ASPRV1: variants seen among roughly 807,000 people sequenced by gnomAD.
The protein encoded by ASPRV1 is retroviral-like aspartic protease 1.
Under a neutral mutation model 11.0 loss-of-function variants are expected in ASPRV1, and 7 were observed. The ratio of observed to expected loss-of-function variants is 0.64; its 90% CI spans 0.36 to 1.20. The LOEUF is 1.20. ASPRV1 is among the 50% of genes most tolerant of loss of function. The pLI, the probability that ASPRV1 is intolerant of heterozygous loss-of-function variation, is 0.02. For synonymous variants in ASPRV1, 136 were observed against 138.4 expected (o/e 0.98, Z 0.12); for missense variants, 299 against 320.0 (o/e 0.93, Z 0.50).
the ASPRV1 span, among the ~76,000 whole-genome samples, chr2:69,948,407 A>G: frequency 6.6e-6 from 1 of 152,254 alleles, no homozygotes; most frequent in Non-Finnish European, 1.5e-5. Context: ...ACGTCAATAC[A>G]TCCATTTGCA....
the ASPRV1 span, among the ~76,000 whole-genome samples, chr2:70,066,240 A>G: frequency 2.6e-5 from 4 of 151,694 alleles, no homozygotes; most frequent in Admixed American, 2.6e-4. Flanking sequence ...CATCACTAAC[A>G]TCATTTTTTT....
the ASPRV1 span, chr2:69,943,091 G>C: frequency 2.1e-4 from 32 of 152,168 alleles, no homozygotes; most frequent in African/African-American, 7.5e-4. Context: ...CTGTGATGAG[G>C]ATTGAGATTG....
the ASPRV1 span, among the ~76,000 whole-genome samples, chr2:70,067,214 T>G: frequency 6.6e-6 from 1 of 152,304 alleles, no homozygotes; most frequent in East Asian, 1.9e-4. Context: ...AGTGACTGGT[T>G]GTCAGACGTG....
chr2:70,037,107 T>C, the ASPRV1 span, among the ~76,000 whole-genome samples: 1 of 152,188 alleles, frequency 6.6e-6, no homozygotes, highest in Admixed American at 6.5e-5. Context: ...CTATGGAACA[T>C]TTCCTCTTGG....
At chr2:69,947,144 T>C in the ASPRV1 span, among the ~76,000 whole-genome samples, 4 of 152,222 alleles carry the variant, frequency 2.6e-5, no homozygotes, top group Admixed American at 1.3e-4. Context: ...GTGATGATTC[T>C]TGGCTACTTT....
chr2:70,029,770 AG>A, the ASPRV1 span, among the ~76,000 whole-genome samples: 2 of 152,250 alleles, frequency 1.3e-5, no homozygotes, highest in South Asian at 2.1e-4. Flanking sequence ...AATATCCACA[AG>A]GGGTCTTGTG....
the ASPRV1 span, among the ~76,000 whole-genome samples, chr2:69,943,494 C>A: frequency 2.6e-5 from 4 of 152,086 alleles, no homozygotes; most frequent in African/African-American, 7.2e-5. Flanking sequence ...AGGCAGAGTC[C>A]AGCTTCGTGG....
At chr2:70,042,076 A>G in the ASPRV1 span, among the ~76,000 whole-genome samples, 2 of 150,174 alleles carry the variant, frequency 1.3e-5, no homozygotes, top group Non-Finnish European at 2.9e-5. Context: ...ATTCTGTAAG[A>G]TTTTAATAAA....
At chr2:69,953,511 T>C in the ASPRV1 span, among the ~76,000 whole-genome samples, 4 of 152,188 alleles carry the variant, frequency 2.6e-5, no homozygotes, top group Admixed American at 1.3e-4. Flanking sequence ...GGCATTTCCA[T>C]GGACACAGTG....
chr2:70,002,548 A>G, the ASPRV1 span, among the ~76,000 whole-genome samples: 17 of 152,320 alleles, frequency 1.1e-4, no homozygotes, highest in African/African-American at 3.6e-4. Flanking sequence ...ATCTAGTTCT[A>G]TGAAGATGCC....
the ASPRV1 span, among the ~76,000 whole-genome samples, chr2:70,043,015 G>C: frequency 6.6e-6 from 1 of 152,186 alleles, no homozygotes; most frequent in South Asian, 2.1e-4. Flanking sequence ...ACTGAGATTT[G>C]AGTTGCCTCT....
At chr2:69,972,629 A>G in the ASPRV1 span, among the ~76,000 whole-genome samples, 1 of 152,044 alleles carries the variant, frequency 6.6e-6, no homozygotes, top group African/African-American at 2.4e-5. Flanking sequence ...AAGTGCTGGG[A>G]TTACAGGCGT....
the ASPRV1 span, chr2:70,064,135 G>T: frequency 6.6e-6 from 1 of 152,200 alleles, no homozygotes; most frequent in African/African-American, 2.4e-5. Flanking sequence ...TGGTTTCATG[G>T]ATATGACTTA....
the ASPRV1 span, chr2:70,031,394 G>GT: frequency 6.6e-6 from 1 of 151,906 alleles, no homozygotes; most frequent in Non-Finnish European, 1.5e-5. Flanking sequence ...AAAAGGAGGG[G>GT]TAAAAAAAGG....
In ASPRV1 at chr2:69,960,880, G is replaced by A. The variant is rs1558581002; in HGVS notation, c.557C>T (p.Ala186Val). The A allele has an allele frequency of 1.2e-6, 2 of 1,614,094 alleles. No homozygotes were observed. The highest frequency in any genetic ancestry group is 1.7e-5 in the Admixed American group (1 of 60,018). ...AVSLGKLKLK[A>V]QFLVANASAE... The stretch of plus-strand genomic sequence containing the variant: ...ACTCGCATTGGCCACTAGGAACTGT[G>A]CCTTCAGCTTCAGCTTGCCTAGGGA... Residue 186 changes from alanine to valine, a missense_variant, in exon 1 of 1, where the codon GCA (alanine) becomes GTA (valine). Physicochemically the swap from Ala to Val is moderately conservative, Grantham distance 64. Coordinates refer to ENST00000320256, the MANE Select transcript of ASPRV1 (RefSeq NM_152792.4).
the ASPRV1 span, among the ~76,000 whole-genome samples, chr2:69,983,418 T>C: frequency 1.1e-4 from 16 of 152,154 alleles, no homozygotes; most frequent in South Asian, 6.2e-4. Flanking sequence ...CCCTAGGGCA[T>C]AGGGAATTCT....
the ASPRV1 span, among the ~76,000 whole-genome samples, chr2:70,078,973 T>G: frequency 3.3e-5 from 5 of 152,182 alleles, no homozygotes; most frequent in Non-Finnish European, 5.9e-5. Context: ...TAAGGTGAAG[T>G]TGACAGGACC....
At chr2:69,940,329 T>C in the ASPRV1 span, 1 of 152,202 alleles carries the variant, frequency 6.6e-6, no homozygotes, top group Non-Finnish European at 1.5e-5. Flanking sequence ...GTCTGCACTT[T>C]GAGGTCCCTT....
chr2:70,021,798 G>T, the ASPRV1 span, among the ~76,000 whole-genome samples: 1 of 151,950 alleles, frequency 6.6e-6, no homozygotes, highest in Non-Finnish European at 1.5e-5. Flanking sequence ...CGCCTCCCGG[G>T]TTCATGCGAT....
Sources: allele counts gnomAD v4.1 joint callset (sites outside exome capture counted in the v4.1 genomes callset), GRCh38; gene constraint gnomAD v4.1.1; transcripts MANE v1.5; gene names NCBI Gene and HGNC (gene_info 2026-07-23, HGNC 2026-07-21).